Variants in CMKLR1 observed in about 807,000 individuals in gnomAD.
CMKLR1 encodes chemerin-like receptor 1.
A neutral mutation model predicts 8.2 loss-of-function variants in CMKLR1; 6 were observed. That is an observed-to-expected ratio of 0.73 (90% CI 0.40 to 1.44). The LOEUF is 1.44. CMKLR1 is among the 40% of genes most tolerant of loss of function. CMKLR1 has a pLI of 0.02. For missense variants in CMKLR1, 429 were observed against 478.0 expected, an observed-to-expected ratio of 0.90 and a Z score of 0.96; for synonymous variants, 178 against 181.2, an observed-to-expected ratio of 0.98 and a Z score of 0.14.
rs760204829 is a variant in CMKLR1, at chr12:108,292,217, C to T, written c.746G>A (p.Arg249His). ...CTTCTTGGTCTTGGCCAGGCGGTTG[C>T]GCTGCAGTTTGCACACGATGGTGAG... ...CYLTIVCKLQ[R>H]NRLAKTKKPF... The change falls in exon 4 of 4, where the codon CGC becomes CAC. Residue 249 changes from arginine (R) to histidine (H), a missense_variant. Arg to His is a conservative substitution (Grantham distance 29). Transcript: ENST00000550402. 2.1e-5 allele frequency: 34 copies of T among 1,613,960 alleles called. No homozygotes were observed. Among genetic ancestry groups the T allele is most frequent in the East Asian group, 6.7e-5 (3 of 44,862 alleles).
chr12:108,331,999 C>A (rs1352304785), intron 1 of CMKLR1, among the ~76,000 whole-genome samples: 3 of 152,208 alleles, frequency 2.0e-5, no homozygotes, highest in African/African-American at 7.2e-5. Context: ...ACACTTGCTA[C>A]CTGAATTCTT....
At chr12:108,307,588 G>A (rs377322083) in intron 2 of CMKLR1, among the ~76,000 whole-genome samples, 3 of 152,162 alleles carry the variant, frequency 2.0e-5, no homozygotes, top group African/African-American at 2.4e-5. Flanking sequence ...CCCATGCCTC[G>A]CTCCTTCCTT....
At chr12:108,309,566 G>A (rs775567089) in intron 2 of CMKLR1, among the ~76,000 whole-genome samples, 3 of 151,756 alleles carry the variant, frequency 2.0e-5, no homozygotes, top group East Asian at 3.9e-4. Context: ...AGTGGGCAAC[G>A]TCTAAGGGTC....
chr12:108,298,442 CTA>C (rs908965662), intron 2 of CMKLR1, among the ~76,000 whole-genome samples: 3 of 152,188 alleles, frequency 2.0e-5, no homozygotes, highest in African/African-American at 7.2e-5. Flanking sequence ...TTTGCTCTGA[CTA>C]TGAGTCTTGC....
At chr12:108,311,330 G>A (rs1054110361) in intron 2 of CMKLR1, among the ~76,000 whole-genome samples, 1 of 152,164 alleles carries the variant, frequency 6.6e-6, no homozygotes, top group Non-Finnish European at 1.5e-5. Context: ...AAAGTGCTAG[G>A]GAGACTGGGC....
chr12:108,310,625 G>A (rs1168917626), intron 2 of CMKLR1, among the ~76,000 whole-genome samples: 1 of 152,196 alleles, frequency 6.6e-6, no homozygotes, highest in Non-Finnish European at 1.5e-5. Flanking sequence ...CTCCAAGAAA[G>A]GTCTTGAGTG....
chr12:108,295,824 T>C (rs1172607803), intron 2 of CMKLR1, among the ~76,000 whole-genome samples: 1 of 152,228 alleles, frequency 6.6e-6, no homozygotes, highest in Non-Finnish European at 1.5e-5. Flanking sequence ...AGATGCAGCC[T>C]GAAGCAGATG....
In CMKLR1 at chr12:108,324,814, G is replaced by GT. The variant is rs1891944787; in HGVS notation, c.-74+5180dup. On this transcript the variant is annotated intron_variant, in intron 2 of 3. Coordinates refer to ENST00000550402, the MANE Select transcript of CMKLR1 (RefSeq NM_001142343.2). ...CTCACTTGTTCATTTCCTTGCAAGT[G>GT]TTTACTGAGCACCCACAATGTGGTG... Among the ~76,000 whole-genome samples, 4 of 125,968 alleles carry GT rather than the reference G, an allele frequency of 3.2e-5. No homozygotes were observed. In the South Asian group the frequency reaches 9.9e-4, roughly 31 times the overall value. The allele number at this position is 125,968 out of a possible 152,430, so 82.6% of individuals were successfully genotyped here. A position where few individuals can be genotyped will look rare whatever the true frequency, so the allele number is the denominator to read the frequency against.
At chr12:108,307,737 C>T (rs768660655) in intron 2 of CMKLR1, among the ~76,000 whole-genome samples, 7 of 152,246 alleles carry the variant, frequency 4.6e-5, no homozygotes, top group Non-Finnish European at 8.8e-5. Flanking sequence ...TCAAGTCCCT[C>T]AGCTGAAACC....
intron 2 of CMKLR1, among the ~76,000 whole-genome samples, chr12:108,313,560 C>T (rs1891639554): frequency 6.6e-6 from 1 of 152,154 alleles, no homozygotes; most frequent in Non-Finnish European, 1.5e-5. Context: ...AGATCATATA[C>T]GTAGGGTGCA....
intron 2 of CMKLR1, among the ~76,000 whole-genome samples, chr12:108,307,581 A>G (rs543743806): frequency 6.6e-6 from 1 of 152,308 alleles, no homozygotes; most frequent in African/African-American, 2.4e-5. Flanking sequence ...TTTGAGTCCC[A>G]TGCCTCGCTC....
intron 2 of CMKLR1, among the ~76,000 whole-genome samples, chr12:108,310,287 T>C (rs1422596854): frequency 1.3e-5 from 2 of 152,058 alleles, no homozygotes; most frequent in Non-Finnish European, 2.9e-5. Flanking sequence ...CTTTATCCTA[T>C]GGGCAATAGG....
intron 2 of CMKLR1, among the ~76,000 whole-genome samples, chr12:108,302,651 C>T (rs1455001963): frequency 6.6e-6 from 1 of 152,174 alleles, no homozygotes; most frequent in East Asian, 1.9e-4. Flanking sequence ...CCCAGCCACT[C>T]CCAGCCTCAG....
In CMKLR1 at chr12:108,331,661, A is replaced by G. The variant is rs1593180856; in HGVS notation, c.-286-1454T>C. ...TGAGATGGTGGGATTATGCTGGATT[A>G]CCCAGGTGAGCTCAGCGTCTTTAAA... On this transcript the variant is annotated intron_variant, in intron 1 of 3. Coordinates refer to ENST00000550402, the MANE Select transcript of CMKLR1 (RefSeq NM_001142343.2). Among the ~76,000 whole-genome samples the G allele has an allele frequency of 1.3e-5, 2 of 152,312 alleles. 1 individual carries two copies. Among genetic ancestry groups the G allele is most frequent in the East Asian group, 3.9e-4 (2 of 5,174 alleles).
At chr12:108,330,585 G>A (rs910975012) in intron 1 of CMKLR1, among the ~76,000 whole-genome samples, 3 of 152,200 alleles carry the variant, frequency 2.0e-5, no homozygotes, top group Admixed American at 6.5e-5. Flanking sequence ...ATGCCAATTC[G>A]TGATTCTTCT....
At chr12:108,313,368 G>A (rs1891634469) in intron 2 of CMKLR1, among the ~76,000 whole-genome samples, 1 of 152,152 alleles carries the variant, frequency 6.6e-6, no homozygotes, top group Non-Finnish European at 1.5e-5. Context: ...GGATCAAGGG[G>A]TCTCACACCC....
At position 108,288,378 on chromosome 12, in the gene CMKLR1, T is replaced by A. The variant is rs1222209668; in HGVS notation, c.*3463A>T. Reference sequence around the variant, plus strand: ...AACCTCAGTTCCCTCATCTGTGAAATGGGAGACATCTGGGCAAGATGAGTT... The same window carrying A: ...AACCTCAGTTCCCTCATCTGTGAAAAGGGAGACATCTGGGCAAGATGAGTT... On this transcript the variant is annotated 3_prime_UTR_variant, in exon 4 of 4. Transcript: ENST00000550402. 1 of 152,232 alleles carries A rather than the reference T, an allele frequency of 6.6e-6. No homozygotes were observed. The highest frequency in any genetic ancestry group is 1.5e-5 in the Non-Finnish European group (1 of 68,060). 9.4% of individuals were successfully genotyped at this position (152,232 alleles called of 1,614,324 possible). A position where few individuals can be genotyped will look rare whatever the true frequency, so the allele number is the denominator to read the frequency against.
chr12:108,306,550 A>G (rs999713526), intron 2 of CMKLR1, among the ~76,000 whole-genome samples: 10 of 152,088 alleles, frequency 6.6e-5, no homozygotes, highest in African/African-American at 2.2e-4. Context: ...CTGCTTACCT[A>G]TGTGGCTACC....
intron 1 of CMKLR1, 141 bp from the exon 2 acceptor site, chr12:108,330,348 A>C (rs1023713405): frequency 1.3e-5 from 2 of 152,256 alleles, no homozygotes; most frequent in Non-Finnish European, 2.9e-5. Context: ...GCAGAGATGC[A>C]CTGTCCCTGC....
Sources: gnomAD v4.1 joint callset for allele counts (sites outside exome capture counted in the v4.1 genomes callset) on GRCh38, gnomAD v4.1.1 for gene constraint, MANE v1.5 for transcripts, NCBI Gene and HGNC (gene_info 2026-07-23, HGNC 2026-07-21) for gene names.